The following EPHX2 variants were observed in gnomAD, a reference collection of about 807,000 sequenced individuals.
EPHX2 encodes bifunctional epoxide hydrolase 2.
In EPHX2, 74 loss-of-function variants were observed where a neutral mutation model predicts 78.7. The observed-to-expected ratio is 0.94, with a 90% CI of 0.78 to 1.14. EPHX2 has a LOEUF of 1.14. Among genes scored for constraint, EPHX2 ranks in the 50% most tolerant of loss-of-function variants. The pLI, the probability that EPHX2 is intolerant of heterozygous loss-of-function variation, is 0.00. For synonymous variants in EPHX2, 251 were observed against 255.2 expected (o/e 0.98, Z 0.16); for missense variants, 715 against 702.5 (o/e 1.02, Z -0.20).
At chr8:27,534,574 C>T (rs1002104805) in intron 12 of EPHX2, among the ~76,000 whole-genome samples, 4 of 152,140 alleles carry the variant, frequency 2.6e-5, no homozygotes, top group African/African-American at 9.7e-5. Context: ...ATCTCTTGAA[C>T]CCATCTTGGC....
At chr8:27,532,795 G>C (rs1815091572) in intron 12 of EPHX2, among the ~76,000 whole-genome samples, 2 of 152,126 alleles carry the variant, frequency 1.3e-5, no homozygotes, top group Admixed American at 6.5e-5. Context: ...ATCATTTAAA[G>C]AACCCTAATT....
chr8:27,512,789 A>T (rs1330444790), intron 6 of EPHX2, among the ~76,000 whole-genome samples: 1 of 152,216 alleles, frequency 6.6e-6, no homozygotes. Flanking sequence ...GCAGCCTTGG[A>T]CAAGCATCTT....
At chr8:27,529,080 C>T (rs930187242) in intron 12 of EPHX2, among the ~76,000 whole-genome samples, 5 of 152,194 alleles carry the variant, frequency 3.3e-5, no homozygotes, top group Admixed American at 2.6e-4. Context: ...GCCACTGCGC[C>T]CAGCCCCATC....
At chr8:27,523,172 G>A (rs995900973) in intron 11 of EPHX2, among the ~76,000 whole-genome samples, 7 of 152,120 alleles carry the variant, frequency 4.6e-5, no homozygotes, top group Non-Finnish European at 7.3e-5. Flanking sequence ...GTGGCCTTCG[G>A]TCTGCCCTGA....
intron 12 of EPHX2, among the ~76,000 whole-genome samples, chr8:27,530,918 C>T (rs892798283): frequency 3.9e-5 from 6 of 152,092 alleles, no homozygotes; most frequent in South Asian, 4.1e-4. Flanking sequence ...CATGCACCAC[C>T]ACGCACGGCT....
downstream of EPHX2, among the ~76,000 whole-genome samples, chr8:27,548,600 G>A (rs1815611099): frequency 6.6e-6 from 1 of 152,164 alleles, no homozygotes; most frequent in South Asian, 2.1e-4. Flanking sequence ...GACGTTTGCT[G>A]AATAAATTGG....
rs140183996 is a variant in EPHX2 at position 27,513,655 on chromosome 8, C to G, written c.735+1745C>G. Among the ~76,000 whole-genome samples the G allele has an allele frequency of 3.8e-3, 583 of 152,054 alleles. 4 individuals are homozygous for G. Among genetic ancestry groups the G allele is most frequent in the African/African-American group, 0.013 (556 of 41,390 alleles). ...TCTTTCTGTGTTCTGGCTTTATGGA[C>G]ATTTTTCTTAACACAGAAAAAAAAT... On this transcript the variant is annotated intron_variant, in intron 6 of 18. Transcript: ENST00000521400.
chr8:27,541,440 C>T, intron 15 of EPHX2, 33 bp from the exon 16 acceptor site: 1 of 1,609,208 alleles, frequency 6.2e-7, no homozygotes, highest in Non-Finnish European at 8.5e-7. Context: ...CTACTTACTG[C>T]CTCCCTCTTT....
intron 10 of EPHX2, 72 bp from the exon 11 acceptor site, chr8:27,522,351 G>T: frequency 6.7e-7 from 1 of 1,496,754 alleles, no homozygotes; most frequent in Non-Finnish European, 9.2e-7. Flanking sequence ...GGGGCTGGCT[G>T]ATGGCCGAAC....
intron 1 of EPHX2, among the ~76,000 whole-genome samples, chr8:27,493,784 A>T (rs999162898): frequency 1.3e-5 from 2 of 152,220 alleles, no homozygotes; most frequent in African/African-American, 4.8e-5. Context: ...TATGTTAAAA[A>T]GGTGTGTGAG....
At chr8:27,504,625 T>C (rs7846038) in intron 3 of EPHX2, among the ~76,000 whole-genome samples, 19,184 of 152,112 alleles carry the variant, frequency 0.13, 1,397 homozygotes, top group African/African-American at 0.21. Context: ...AGGGTAGGAT[T>C]GGCCCTGTCC....
intron 16 of EPHX2, among the ~76,000 whole-genome samples, chr8:27,541,863 C>T (rs1479203570): frequency 6.6e-6 from 1 of 152,084 alleles, no homozygotes. Context: ...TGGGGCACCT[C>T]CCAGAAGTGA....
At chr8:27,517,608 G>A (rs1233536434) in intron 8 of EPHX2, among the ~76,000 whole-genome samples, 1 of 152,202 alleles carries the variant, frequency 6.6e-6, no homozygotes, top group Non-Finnish European at 1.5e-5. Flanking sequence ...GTGGTCAACT[G>A]ATCTTTGACA....
At chr8:27,548,464 C>T (rs1815608849), downstream of EPHX2, among the ~76,000 whole-genome samples, 1 of 152,270 alleles carries the variant, frequency 6.6e-6, no homozygotes, top group Middle Eastern at 3.4e-3. Context: ...AACTCCTGCA[C>T]CCAAATGTGT....
At chr8:27,525,101 T>C (rs111453453) in intron 11 of EPHX2, among the ~76,000 whole-genome samples, 6,010 of 130,018 alleles carry the variant, frequency 0.046, 160 homozygotes, top group East Asian at 0.086. Context: ...TGTGTGTGTG[T>C]GTGTGTGCGC....
At chr8:27,516,917 C>CTTTTTTTTTTTTTTTTTTT (rs145423911) in intron 8 of EPHX2, among the ~76,000 whole-genome samples, 1 of 144,196 alleles carries the variant, frequency 6.9e-6, no homozygotes, top group African/African-American at 2.7e-5. Context: ...AATTTCCTTC[C>CTTTTTTTTTTTTTTTTTTT]TATTTTTTTT....
chr8:27,511,287 G>A (rs1248696037), intron 5 of EPHX2, among the ~76,000 whole-genome samples: 1 of 152,214 alleles, frequency 6.6e-6, no homozygotes, highest in Non-Finnish European at 1.5e-5. Context: ...TGTGAGCTTC[G>A]CATGGTGTCC....
intron 8 of EPHX2, among the ~76,000 whole-genome samples, chr8:27,517,183 T>C (rs1814487713): frequency 6.6e-6 from 1 of 152,220 alleles, no homozygotes; most frequent in Non-Finnish European, 1.5e-5. Flanking sequence ...TTTTTTCTTG[T>C]ATTTTCTCTA....
intron 8 of EPHX2, among the ~76,000 whole-genome samples, 168 bp from the exon 9 acceptor site, chr8:27,517,864 ACAAAAG>A (rs1363096807): frequency 1.3e-5 from 2 of 152,248 alleles, no homozygotes; most frequent in African/African-American, 2.4e-5. Flanking sequence ...AGCACAGGCA[ACAAAAG>A]CAAAAGCAAA....
Sources: gnomAD v4.1 joint callset for allele counts (sites outside exome capture counted in the v4.1 genomes callset) on GRCh38, gnomAD v4.1.1 for gene constraint, MANE v1.5 for transcripts, NCBI Gene and HGNC (gene_info 2026-07-23, HGNC 2026-07-21) for gene names.